FAM3C: variants seen among roughly 807,000 people sequenced by gnomAD.
FAM3C encodes FAM3 metabolism regulating signaling molecule C, also known as protein FAM3C.
A neutral mutation model predicts 32.5 loss-of-function variants in FAM3C; 15 were observed. That is an observed-to-expected ratio of 0.46 (90% CI 0.31 to 0.71). FAM3C has a LOEUF of 0.71. Among genes scored for constraint, FAM3C ranks in the 30% least tolerant of loss-of-function variants. The pLI is 0.05. For missense variants in FAM3C, 175 were observed against 274.4 expected (o/e 0.64, Z 2.56); for synonymous variants, 75 against 86.1 (o/e 0.87, Z 0.72).
intron 8 of FAM3C, among the ~76,000 whole-genome samples, chr7:121,356,767 G>A (rs1226756538): frequency 6.6e-6 from 1 of 152,126 alleles, no homozygotes; most frequent in Non-Finnish European, 1.5e-5. Context: ...CCAAAAGGAA[G>A]AATACAATTG....
intron 8 of FAM3C, among the ~76,000 whole-genome samples, chr7:121,353,572 C>T (rs531757587): frequency 1.3e-5 from 2 of 152,250 alleles, no homozygotes; most frequent in South Asian, 4.1e-4. Flanking sequence ...AAGAATGGTT[C>T]ATTGTGTCTA....
At chr7:121,391,968 C>T (rs1475674520) in intron 1 of FAM3C, among the ~76,000 whole-genome samples, 1 of 152,156 alleles carries the variant, frequency 6.6e-6, no homozygotes, top group Non-Finnish European at 1.5e-5. Flanking sequence ...AAACATCCAA[C>T]AAACTTCTAA....
At chr7:121,376,435 T>C (rs771640108) in intron 3 of FAM3C, among the ~76,000 whole-genome samples, 56 of 152,002 alleles carry the variant, frequency 3.7e-4, no homozygotes, top group Non-Finnish European at 7.6e-4. Context: ...TACTTGGGAG[T>C]ACAAAAGGCA....
chr7:121,369,339 G>C (rs972207537), intron 5 of FAM3C, among the ~76,000 whole-genome samples: 27 of 152,080 alleles, frequency 1.8e-4, no homozygotes, highest in African/African-American at 6.3e-4. Context: ...CTACTAAACT[G>C]TAAGTTCCAT....
At chr7:121,379,994 C>T (rs992338265) in intron 2 of FAM3C, among the ~76,000 whole-genome samples, 1 of 152,196 alleles carries the variant, frequency 6.6e-6, no homozygotes, top group African/African-American at 2.4e-5. Context: ...TCAAGAGCAA[C>T]TTACAAGTTG....
chr7:121,386,275 T>C (rs769049458), intron 1 of FAM3C, among the ~76,000 whole-genome samples: 103 of 152,120 alleles, frequency 6.8e-4, no homozygotes, highest in Non-Finnish European at 1.3e-3. Flanking sequence ...CCTCTACAAA[T>C]AGAGAAACTA....
At chr7:121,367,187 T>C (rs1434780818) in intron 5 of FAM3C, among the ~76,000 whole-genome samples, 1 of 152,198 alleles carries the variant, frequency 6.6e-6, no homozygotes, top group African/African-American at 2.4e-5. Flanking sequence ...AAGGTACCCC[T>C]TCCCACATCT....
chr7:121,390,848 TGGGGC>T (rs1794559363), intron 1 of FAM3C, among the ~76,000 whole-genome samples: 1 of 1,506 alleles, frequency 6.6e-4, no homozygotes, highest in African/African-American at 1.9e-3. Flanking sequence ...AAAGGCTGTG[TGGGGC>T]GGGGGGGGGG....
intron 1 of FAM3C, among the ~76,000 whole-genome samples, chr7:121,395,519 C>G (rs1794671975): frequency 2.0e-5 from 3 of 151,448 alleles, no homozygotes; most frequent in Admixed American, 6.6e-5. Flanking sequence ...AGTAAAACAG[C>G]TGGAGCTCTC....
chr7:121,375,397 G>A (rs748842282), intron 3 of FAM3C, among the ~76,000 whole-genome samples: 8 of 152,156 alleles, frequency 5.3e-5, no homozygotes, highest in Non-Finnish European at 1.2e-4. Context: ...GGAAGGAGGG[G>A]TGAAGACCAG....
In FAM3C at chr7:121,351,090, G is replaced by GT. The variant is rs1304407900; in HGVS notation, c.594+52dup. On this transcript the variant is annotated intron_variant, in intron 9 of 9. Transcript: ENST00000359943. Reference sequence around the variant, plus strand: ...AATAGCTGGGATGGGAAAATGTACCGTAAGGTTTCACAGAATTTGTTTTTG... The same window carrying GT: ...AATAGCTGGGATGGGAAAATGTACCGTTAAGGTTTCACAGAATTTGTTTTTG... 3.3e-6 allele frequency: 5 copies of GT among 1,537,824 alleles called. No individual in the cohort carries two copies. In the Admixed American group the frequency reaches 8.8e-5, roughly 27 times the overall value.
At chr7:121,386,559 T>C (rs190263391) in intron 1 of FAM3C, among the ~76,000 whole-genome samples, 4 of 150,834 alleles carry the variant, frequency 2.7e-5, no homozygotes, top group African/African-American at 7.3e-5. Flanking sequence ...AATAAACATA[T>C]ACACACACAC....
At chr7:121,354,401 A>C (rs191747307) in intron 8 of FAM3C, among the ~76,000 whole-genome samples, 103 of 152,354 alleles carry the variant, frequency 6.8e-4, no homozygotes, top group Non-Finnish European at 1.1e-3. Context: ...CAGGATAGAC[A>C]GAGAACGGTA....
chr7:121,386,126 A>G (rs1275589343), intron 1 of FAM3C, among the ~76,000 whole-genome samples: 2 of 152,210 alleles, frequency 1.3e-5, no homozygotes, highest in Non-Finnish European at 2.9e-5. Context: ...TGGCAAAATG[A>G]CTAAGCTTGG....
chr7:121,385,373 C>T (rs1052131848), intron 1 of FAM3C, among the ~76,000 whole-genome samples: 5 of 152,086 alleles, frequency 3.3e-5, no homozygotes, highest in African/African-American at 1.2e-4. Flanking sequence ...GAACCAAATC[C>T]AGTTGCTAAT....
chr7:121,351,692 T>C (rs559472973), intron 8 of FAM3C, among the ~76,000 whole-genome samples: 5 of 152,314 alleles, frequency 3.3e-5, no homozygotes, highest in African/African-American at 1.2e-4. Flanking sequence ...AGAATAAAGG[T>C]AAATGCTGAC....
chr7:121,361,331 AT>A (rs1282349635), intron 7 of FAM3C, among the ~76,000 whole-genome samples: 1 of 152,232 alleles, frequency 6.6e-6, no homozygotes, highest in African/African-American at 2.4e-5. Flanking sequence ...AACTGATTAT[AT>A]TTCATAATAA....
At chr7:121,364,592 C>T (rs1284039964) in intron 5 of FAM3C, 2 of 155,900 alleles carry the variant, frequency 1.3e-5, no homozygotes, top group Non-Finnish European at 1.4e-5. Context: ...AGATACTACC[C>T]CCATCATTTA....
chr7:121,375,494 T>C (rs1028416871), intron 3 of FAM3C, among the ~76,000 whole-genome samples: 1 of 152,062 alleles, frequency 6.6e-6, no homozygotes, highest in Non-Finnish European at 1.5e-5. Flanking sequence ...TACTAAAGAT[T>C]GTTGAGTTTT....
Sources: allele counts gnomAD v4.1 joint callset (sites outside exome capture counted in the v4.1 genomes callset), GRCh38; gene constraint gnomAD v4.1.1; transcripts MANE v1.5; gene names NCBI Gene and HGNC (gene_info 2026-07-23, HGNC 2026-07-21).